The following WDR25 variants were observed in gnomAD, a reference collection of about 807,000 sequenced individuals.
WDR25 encodes WD repeat-containing protein 25.
In WDR25, 35 loss-of-function variants were observed where a neutral mutation model predicts 47.7. The observed-to-expected ratio is 0.73, with a 90% CI of 0.56 to 0.97. The LOEUF is 0.97. Ranked by LOEUF, WDR25 falls within the 50% of genes least tolerant of loss-of-function variation. WDR25 has a pLI of 0.00. For missense variants in WDR25, 634 were observed against 704.7 expected (o/e 0.90, Z 1.14); for synonymous variants, 248 against 278.9 (o/e 0.89, Z 1.10).
chr14:100,410,339 T>C (rs1217135469), intron 2 of WDR25, among the ~76,000 whole-genome samples: 10 of 152,064 alleles, frequency 6.6e-5, no homozygotes, highest in Admixed American at 5.9e-4. Flanking sequence ...GAGGACCGGC[T>C]CCCCCATGCT....
At chr14:100,406,809 A>G (rs978312094) in intron 2 of WDR25, 1 of 152,366 alleles carries the variant, frequency 6.6e-6, no homozygotes, top group African/African-American at 2.4e-5. Context: ...TGAGTGAGTG[A>G]ATGAAAGACA....
chr14:100,409,195 G>A (rs960760324), intron 2 of WDR25, among the ~76,000 whole-genome samples: 1 of 152,210 alleles, frequency 6.6e-6, no homozygotes, highest in Admixed American at 6.5e-5. Context: ...CTGCCTTTGA[G>A]CTTATCAAAT....
At chr14:100,411,289 CAG>C (rs909408946) in intron 2 of WDR25, among the ~76,000 whole-genome samples, 1 of 152,098 alleles carries the variant, frequency 6.6e-6, no homozygotes, top group African/African-American at 2.4e-5. Flanking sequence ...ATGTGTAAAA[CAG>C]AGAAAATAGT....
chr14:100,432,169 CAGG>C lies in WDR25; in HGVS notation c.823-35851_823-35849del, dbSNP rs1213047099. 3.9e-5 allele frequency among the ~76,000 whole-genome samples: 6 copies of C among 152,298 alleles called. No homozygotes were observed. The East Asian group carries it at 1.2e-3, about 29-fold the overall frequency. On this transcript the variant is annotated intron_variant, in intron 2 of 6. Transcript: ENST00000402312. Reference sequence around the variant, plus strand: ...TGAAATAGGAGCACTAAGGAGAATTCAGGTGTTTCATTCTCATCTTACTTAGGT... The same window carrying C: ...TGAAATAGGAGCACTAAGGAGAATTCTGTTTCATTCTCATCTTACTTAGGT...
chr14:100,398,763 GT>G (rs577994372), intron 2 of WDR25, among the ~76,000 whole-genome samples: 1 of 148,540 alleles, frequency 6.7e-6, no homozygotes, highest in Non-Finnish European at 1.5e-5. Context: ...TAAGTAATTT[GT>G]TTTTTTGGGG....
intron 2 of WDR25, among the ~76,000 whole-genome samples, chr14:100,416,397 C>G (rs1440319680): frequency 6.6e-6 from 1 of 152,210 alleles, no homozygotes; most frequent in Admixed American, 6.5e-5. Flanking sequence ...TACTACAATA[C>G]AGGTTGCAGC....
At chr14:100,481,953 C>G (rs1206581968) in intron 3 of WDR25, among the ~76,000 whole-genome samples, 1 of 152,050 alleles carries the variant, frequency 6.6e-6, no homozygotes. Context: ...CCTGGAAAGT[C>G]ACTGGAATAA....
intron 2 of WDR25, chr14:100,382,063 C>T (rs1896915585): frequency 4.3e-6 from 3 of 702,892 alleles, no homozygotes; most frequent in Non-Finnish European, 7.8e-6. Context: ...GCCCTGGGGA[C>T]TGGGGACATC....
intron 4 of WDR25, among the ~76,000 whole-genome samples, chr14:100,491,659 G>A (rs547635571): frequency 6.6e-6 from 1 of 152,316 alleles, no homozygotes; most frequent in African/African-American, 2.4e-5. Context: ...TATCCCTGTC[G>A]TTAAGCAACA....
At position 100,525,997 on chromosome 14, in the gene WDR25, G is replaced by C; in HGVS notation, c.1229G>C (p.Trp410Ser). The change falls in exon 5 of 7, where the codon TGG (tryptophan) becomes TCG (serine). Residue 410 changes from tryptophan (W) to serine (S), a missense_variant. Trp to Ser is a radical substitution (Grantham distance 177). Coordinates refer to ENST00000402312, the MANE Select transcript of WDR25 (RefSeq NM_001161476.3). This position sits in a 1 kb window ranked among gnomAD's most constrained non-coding sequence, Gnocchi z 4.6. ...RDSADRTIIA[W>S]DFRTSAKISN... is the part of the protein sequence containing the mutation. ...TCAGCTGACCGCACCATTATTGCCTGGGATTTCCGGACCTCTGCCAAAATC... is the reference window on the plus strand; with the variant it reads ...TCAGCTGACCGCACCATTATTGCCTCGGATTTCCGGACCTCTGCCAAAATC... 1 of 1,614,056 alleles carries C rather than the reference G, an allele frequency of 6.2e-7. No homozygotes were observed. The highest frequency in any genetic ancestry group is 8.5e-7 in the Non-Finnish European group (1 of 1,179,954).
rs569113582 is a variant in WDR25 at position 100,422,650 on chromosome 14, C to T, written c.822+40904C>T. Among the ~76,000 whole-genome samples the T allele has an allele frequency of 6.6e-5, 10 of 152,342 alleles. No homozygotes were observed. The South Asian group carries it at 2.1e-3, about 32-fold the overall frequency. On this transcript the variant is annotated intron_variant, in intron 2 of 6. Transcript: ENST00000402312. ...GACGCGACCACATGTTGCCAGCTTC[C>T]CCTCCTGAGTATTTGTTCCGTGGAC...
At position 100,449,911 on chromosome 14, in the gene WDR25, C is replaced by A. The variant is rs924870794; in HGVS notation, c.823-18110C>A. Among the ~76,000 whole-genome samples the A allele has an allele frequency of 1.3e-5, 2 of 152,184 alleles. No homozygotes were observed. Among genetic ancestry groups the A allele is most frequent in the Admixed American group, 1.3e-4 (2 of 15,288 alleles). On this transcript the variant is annotated intron_variant, in intron 2 of 6. Transcript: ENST00000402312. The surrounding 1 kb of genome is among the most constrained non-coding windows in gnomAD (Gnocchi z 4.2). The stretch of plus-strand genomic sequence containing the variant: ...CGACACCCTGCCTTCTCCCCTGCTC[C>A]CCTTCTGCCTCACTCCCCTCTAATC...
intron 2 of WDR25, among the ~76,000 whole-genome samples, chr14:100,457,336 G>T (rs898532440): frequency 6.6e-6 from 1 of 152,196 alleles, no homozygotes; most frequent in African/African-American, 2.4e-5. Flanking sequence ...ACATACAGAG[G>T]AGCAAAGACG....
At chr14:100,378,465 C>A (rs112772392) in intron 1 of WDR25, among the ~76,000 whole-genome samples, 1 of 152,122 alleles carries the variant, frequency 6.6e-6, no homozygotes, top group Non-Finnish European at 1.5e-5. Context: ...CTATGCCCTG[C>A]CCAGAAAGAT....
At chr14:100,419,298 C>T (rs574511799) in intron 2 of WDR25, among the ~76,000 whole-genome samples, 12 of 151,984 alleles carry the variant, frequency 7.9e-5, no homozygotes, top group Non-Finnish European at 1.3e-4. Context: ...TCGCTCCTTC[C>T]GCCTACCTCT....
intron 4 of WDR25, among the ~76,000 whole-genome samples, chr14:100,486,361 A>G (rs756512728): frequency 3.9e-5 from 6 of 152,200 alleles, no homozygotes; most frequent in Non-Finnish European, 8.8e-5. Context: ...GGGAGAAGCA[A>G]TTAGAAGCAG....
intron 2 of WDR25, among the ~76,000 whole-genome samples, chr14:100,410,073 T>A (rs955323451): frequency 2.6e-5 from 4 of 152,188 alleles, no homozygotes; most frequent in Non-Finnish European, 5.9e-5. Flanking sequence ...TGTTTTAAAA[T>A]AAGAATAGTC....
chr14:100,439,283 G>A (rs972166724), intron 2 of WDR25, among the ~76,000 whole-genome samples: 10 of 152,248 alleles, frequency 6.6e-5, no homozygotes, highest in East Asian at 3.8e-4. Flanking sequence ...GTCAGAATGC[G>A]TGGTGGATGG....
At chr14:100,443,871 G>A (rs112671412) in intron 2 of WDR25, among the ~76,000 whole-genome samples, 6 of 152,298 alleles carry the variant, frequency 3.9e-5, no homozygotes, top group African/African-American at 7.2e-5. Context: ...AGTGCCGGGC[G>A]CTGGCTAGGT....
Sources: allele counts gnomAD v4.1 joint callset (sites outside exome capture counted in the v4.1 genomes callset), GRCh38; gene constraint gnomAD v4.1.1; non-coding constraint Gnocchi (gnomAD v3.1); transcripts MANE v1.5; gene names NCBI Gene and HGNC (gene_info 2026-07-23, HGNC 2026-07-21).